The following CASKIN1 variants were observed in gnomAD, a reference collection of about 807,000 sequenced individuals.
The protein encoded by CASKIN1 is CASK interacting protein 1.
Under a neutral mutation model 117.5 loss-of-function variants are expected in CASKIN1, and 42 were observed. The ratio of observed to expected loss-of-function variants is 0.36; its 90% confidence interval spans 0.28 to 0.46. The LOEUF (loss-of-function observed/expected upper bound fraction) is 0.46, where lower values mean the gene tolerates loss of function less well. Ranked by LOEUF, CASKIN1 falls within the 20% of genes least tolerant of loss-of-function variation. The pLI, the probability that CASKIN1 is intolerant of heterozygous loss-of-function variation, is 1.00. For missense variants in CASKIN1, 2,083 were observed against 2,077.3 expected, an observed-to-expected ratio of 1.00 and a Z score of -0.05; for synonymous variants, 1,148 against 961.7, an observed-to-expected ratio of 1.19 and a Z score of -3.59.
rs12447370 is a variant in CASKIN1, at chr16:2,179,886, G to A, written c.3482C>T (p.Pro1161Leu). 3.1e-6 allele frequency: 5 copies of A among 1,605,462 alleles called. No individual in the cohort carries two copies. The highest frequency in any genetic ancestry group is 4.3e-6 in the Non-Finnish European group (5 of 1,176,182). ...RPKAKEREAG[P>L]EPPPPLSVYH... ...CACGGACAGTGGCGGTGGTGGCTCA[G>A]GCCCGGCCTCCCGCTCCTTGGCCTT... Residue 1161 changes from proline (P) to leucine (L), a missense_variant, in exon 18 of 20, where the codon CCT becomes CTT. Physicochemically the swap from Pro to Leu is moderately conservative, Grantham distance 98. Around this residue, in one of 3 missense-constraint regions of CASKIN1, gnomAD observed 1,818 missense variants for 1,688.9 expected, o/e 1.08. Transcript: ENST00000343516. The surrounding 1 kb of genome is among the most constrained non-coding windows in gnomAD (Gnocchi z 5.8).
At chr16:2,186,518 G>C (rs533355045) in intron 10 of CASKIN1, among the ~76,000 whole-genome samples, 189 bp downstream of exon 10, 1 of 152,296 alleles carries the variant, frequency 6.6e-6, no homozygotes, top group Non-Finnish European at 1.5e-5. Flanking sequence ...TTGGTAGAAC[G>C]CATAAAGGAA....
chr16:2,181,189 A>AC lies in CASKIN1; in HGVS notation c.2178dup (p.Tyr727ValfsTer5). 6.4e-7 allele frequency: 1 copy of AC among 1,551,762 alleles called. No homozygotes were observed. The highest frequency in any genetic ancestry group is 2.0e-5 in the Admixed American group (1 of 49,340). On this transcript the variant is annotated frameshift_variant, in exon 18 of 20. Coordinates refer to ENST00000343516, the MANE Select transcript of CASKIN1 (RefSeq NM_020764.4). LOFTEE classifies it high-confidence loss of function. ...GGGGCGGGGCCCTCATCCAGGAGGT[A>AC]CTCCTGGCTTCGAGACATGGGGCTG...
rs149465240 is a variant in CASKIN1 at position 2,179,696 on chromosome 16, C to T, written c.3672G>A (p.Pro1224=). Residue 1224 remains proline, a synonymous_variant, in exon 18 of 20, where the codon CCG becomes CCA. Coordinates refer to ENST00000343516, the MANE Select transcript of CASKIN1 (RefSeq NM_020764.4). The surrounding 1 kb of genome is among the most constrained non-coding windows in gnomAD (Gnocchi z 5.8). ...PEGEARKPAK[P]PVSPKPVLTQ... is the part of the protein sequence containing the mutation. ...TCAGGACGGGCTTGGGAGAGACAGG[C>T]GGCTTGGCCGGCTTCCGGGCTTCGC... 7.3e-6 allele frequency: 11 copies of T among 1,516,520 alleles called. No individual in the cohort carries two copies. Among genetic ancestry groups the T allele is most frequent in the Admixed American group, 2.2e-5 (1 of 45,504 alleles). 93.9% of individuals were successfully genotyped at this position (1,516,520 alleles called of 1,614,324 possible). A position where few individuals can be genotyped will look rare whatever the true frequency, so the allele number is the denominator to read the frequency against.
At chr16:2,184,924 G>A in intron 13 of CASKIN1, 27 bp downstream of exon 13, 1 of 1,583,236 alleles carries the variant, frequency 6.3e-7, no homozygotes, top group Non-Finnish European at 8.6e-7. Flanking sequence ...CCTCCATCGG[G>A]CTGCGTGGCA....
Position 2,180,417 on chromosome 16 carries a change from C to T in CASKIN1, c.2951G>A (p.Arg984Gln), listed in dbSNP as rs2093163446. The T allele has an allele frequency of 2.5e-6, 4 of 1,573,158 alleles. No individual in the cohort carries two copies. The highest frequency in any genetic ancestry group is 1.3e-5 in the African/African-American group (1 of 74,228). ...DGLLGVRAQCRRASDLAGSVD... is the reference protein window; with the variant it reads ...DGLLGVRAQCQRASDLAGSVD... ...GCTGCCGGCCAGGTCACTGGCCCGC[C>T]GGCACTGTGCCCGGACCCCCAGCAG... Residue 984 changes from arginine (R) to glutamine (Q), a missense_variant, in exon 18 of 20, where the codon CGG becomes CAG. This residue lies in a region of CASKIN1 where 1,818 missense variants were observed against 1,688.9 expected (regional missense o/e 1.08). Transcript: ENST00000343516.
At chr16:2,190,633 T>A (rs2093199020) in intron 1 of CASKIN1, among the ~76,000 whole-genome samples, 1 of 152,100 alleles carries the variant, frequency 6.6e-6, no homozygotes, top group Non-Finnish European at 1.5e-5. Flanking sequence ...TGTCCCCACC[T>A]GGGGATAGGA....
intron 1 of CASKIN1, among the ~76,000 whole-genome samples, chr16:2,191,890 C>T (rs916569539): frequency 8.5e-5 from 13 of 152,222 alleles, no homozygotes; most frequent in African/African-American, 1.9e-4. Context: ...TGGTCCAGGC[C>T]GGCATCTCTG....
Position 2,181,806 on chromosome 16 carries a change from C to A in CASKIN1, c.1753G>T (p.Gly585Cys), listed in dbSNP as rs2093169251. The A allele has an allele frequency of 6.2e-7, 1 of 1,613,130 alleles. No homozygotes were observed. The highest frequency in any genetic ancestry group is 1.7e-5 in the Admixed American group (1 of 59,964). ...DITWEDLQEI[G>C]ITKLGHQKKL... ...GGGGCCTCACCCAGCTTGGTGATGC[C>A]GATCTCCTGCAGGTCCTCCCAGGTG... The change falls in exon 17 of 20, where the codon GGC (glycine) becomes TGC (cysteine). Residue 585 changes from glycine to cysteine, a missense_variant. Physicochemically the swap from Gly to Cys is radical, Grantham distance 159 (BLOSUM62 -3). This residue lies in a region of CASKIN1 where 1,818 missense variants were observed against 1,688.9 expected (regional missense o/e 1.08). Transcript: ENST00000343516.
Position 2,180,033 on chromosome 16 carries a change from C to A in CASKIN1, c.3335G>T (p.Gly1112Val), listed in dbSNP as rs763115334. The A allele has an allele frequency of 6.3e-7, 1 of 1,584,716 alleles. No homozygotes were observed. The highest frequency in any genetic ancestry group is 8.6e-7 in the Non-Finnish European group (1 of 1,165,016). ...GPSKGEAGVE[G>V]PPLAKVEASA... ...GGCTTCCACCTTGGCCAAGGGCGGG[C>A]CTTCGACACCCGCCTCGCCCTTGGA... The change falls in exon 18 of 20, where the codon GGC becomes GTC. Residue 1112 changes from glycine to valine, a missense_variant. Around this residue, in one of 3 missense-constraint regions of CASKIN1, gnomAD observed 1,818 missense variants for 1,688.9 expected, o/e 1.08. Transcript: ENST00000343516.
In CASKIN1 at chr16:2,179,112, G is replaced by A. The variant is rs1245148455; in HGVS notation, c.3989C>T (p.Ser1330Phe). The A allele has an allele frequency of 3.0e-6, 3 of 1,000,884 alleles. No individual in the cohort carries two copies. Among genetic ancestry groups the A allele is most frequent in the Non-Finnish European group, 3.6e-6 (3 of 841,990 alleles). 62.0% of individuals were successfully genotyped at this position (1,000,884 alleles called of 1,614,324 possible). Residue 1330 changes from serine to phenylalanine, a missense_variant, in exon 19 of 20, where the codon TCC becomes TTC. Transcript: ENST00000343516. The surrounding 1 kb of genome is among the most constrained non-coding windows in gnomAD (Gnocchi z 5.8). Reference protein sequence around the residue: ...SLGASPAKPPSPGAPALHVPA... With the variant: ...SLGASPAKPPFPGAPALHVPA... ...CACGTGCAGCGCGGGCGCGCCGGGG[G>A]ACGGGGGCTTGGCGGGGCTGGCGCC...
intron 1 of CASKIN1, among the ~76,000 whole-genome samples, chr16:2,191,665 G>A (rs2093202062): frequency 2.0e-5 from 3 of 152,332 alleles, no homozygotes; most frequent in Admixed American, 2.0e-4. Flanking sequence ...AGCCTCACCG[G>A]CCCCTCCCCC....
intron 14 of CASKIN1, 111 bp downstream of exon 14, chr16:2,184,666 C>T: frequency 1.1e-6 from 1 of 901,524 alleles, no homozygotes; most frequent in Non-Finnish European, 1.6e-6. Context: ...CCTGGCAATG[C>T]CCCCGACCCC....
rs768787471 is a variant in CASKIN1 at position 2,187,445 on chromosome 16, C to T, written c.634G>A (p.Gly212Ser). 2 of 1,606,340 alleles carry T rather than the reference C, an allele frequency of 1.2e-6. No individual in the cohort carries two copies. The highest frequency in any genetic ancestry group is 1.1e-5 in the South Asian group (1 of 91,034). Residue 212 changes from glycine to serine, a missense_variant, in exon 7 of 20, where the codon GGC becomes AGC. By Grantham distance (56) the Gly-to-Ser change is moderately conservative. Around this residue, in one of 3 missense-constraint regions of CASKIN1, gnomAD observed 203 missense variants for 338.7 expected, o/e 0.60. Coordinates refer to ENST00000343516, the MANE Select transcript of CASKIN1 (RefSeq NM_020764.4). ...IDIIRLLLQAGIDINRQTKSG... is the reference protein window; with the variant it reads ...IDIIRLLLQASIDINRQTKSG... ...TTGGTCTGGCGGTTAATGTCGATGC[C>T]GGCTTGGAGGAGGAGCCTGGCGGGA...
chr16:2,187,300 G>A (rs748852497), intron 7 of CASKIN1, 26 bp from the exon 8 acceptor site: 1 of 1,613,366 alleles, frequency 6.2e-7, no homozygotes, highest in South Asian at 1.1e-5. Context: ...ATGAGGCTCT[G>A]TCAGGAGCCC....
At chr16:2,194,670 C>G (rs1268928046) in intron 1 of CASKIN1, among the ~76,000 whole-genome samples, 1 of 152,184 alleles carries the variant, frequency 6.6e-6, no homozygotes, top group African/African-American at 2.4e-5. Context: ...ATTTATTACA[C>G]CCGCCCCTGT....
Position 2,180,818 on chromosome 16 carries a change from C to A in CASKIN1, c.2550G>T (p.Gly850=). 1 of 1,389,298 alleles carries A rather than the reference C, an allele frequency of 7.2e-7. No individual in the cohort carries two copies. The highest frequency in any genetic ancestry group is 9.3e-7 in the Non-Finnish European group (1 of 1,079,742). 86.1% of individuals were successfully genotyped at this position (1,389,298 alleles called of 1,614,324 possible). A position where few individuals can be genotyped will look rare whatever the true frequency, so the allele number is the denominator to read the frequency against. Residue 850 remains glycine (G), a synonymous_variant, in exon 18 of 20, where the codon GGG becomes GGT. Transcript: ENST00000343516. ...CCGTCGGCACGGGTGGGGGCGCAGG[C>A]CCCGGGGCAGCCGGCCCCACCTCGC... ...VEGEVGPAAP[G]PAPPPVPTAV...
rs1248200217 is a variant in CASKIN1 at position 2,177,979 on chromosome 16, ACTTCGTGTCCTTTCAGT to A, written c.*554_*570del. On this transcript the variant is annotated 3_prime_UTR_variant, in exon 20 of 20. Transcript: ENST00000343516. ...TCTAACAGCTTTTGTCCGGAGCTAGACTTCGTGTCCTTTCAGTTGGTAAATGGTTTTCTATAGAATCA... is the reference window on the plus strand; with the variant it reads ...TCTAACAGCTTTTGTCCGGAGCTAGATGGTAAATGGTTTTCTATAGAATCA... 6.0e-5 allele frequency: 23 copies of A among 382,860 alleles called. No homozygotes were observed. In the East Asian group the frequency reaches 1.1e-3, roughly 18 times the overall value. 23.7% of individuals were successfully genotyped at this position (382,860 alleles called of 1,614,324 possible). A position where few individuals can be genotyped will look rare whatever the true frequency, so the allele number is the denominator to read the frequency against.
chr16:2,178,072 T>A lies in CASKIN1; in HGVS notation c.*478A>T. 1 of 486,536 alleles carries A rather than the reference T, an allele frequency of 2.1e-6. No homozygotes were observed. The highest frequency in any genetic ancestry group is 1.7e-5 in the South Asian group (1 of 60,122). 30.1% of individuals were successfully genotyped at this position (486,536 alleles called of 1,614,324 possible). A position where few individuals can be genotyped will look rare whatever the true frequency, so the allele number is the denominator to read the frequency against. ...ATTTGTTAAAGTTATACCTTTTTGT[T>A]TCTCTGGGGAAATCCGCCTCAGCTC... On this transcript the variant is annotated 3_prime_UTR_variant, in exon 20 of 20. Transcript: ENST00000343516.
At chr16:2,186,644 C>A in intron 10 of CASKIN1, 63 bp downstream of exon 10, 2 of 1,450,312 alleles carry the variant, frequency 1.4e-6, no homozygotes, top group Admixed American at 1.7e-5. Flanking sequence ...TCAGCACACT[C>A]GCTGCTTCCA....
Sources: gnomAD v4.1 joint callset for allele counts (sites outside exome capture counted in the v4.1 genomes callset) on GRCh38, gnomAD v4.1.1 for gene constraint, gnomAD v4.1.1 regional missense constraint, Gnocchi (gnomAD v3.1) non-coding constraint, MANE v1.5 for transcripts, NCBI Gene and HGNC (gene_info 2026-07-23, HGNC 2026-07-21) for gene names.